Variants in JPH3 observed in about 807,000 individuals in gnomAD.
The protein encoded by JPH3 is junctophilin-3.
A neutral mutation model predicts 59.6 loss-of-function variants in JPH3; 11 were observed. The ratio of observed to expected loss-of-function variants is 0.18; its 90% CI spans 0.12 to 0.31. The LOEUF (loss-of-function observed/expected upper bound fraction) is 0.31. Ranked by LOEUF, JPH3 falls within the 10% of genes least tolerant of loss-of-function variation. The pLI is 1.00. For missense variants in JPH3, 1,202 were observed against 1,105.7 expected (o/e 1.09, Z -1.24); for synonymous variants, 673 against 483.6 (o/e 1.39, Z -5.14).
Position 87,619,478 on chromosome 16 carries a change from T to C in JPH3, c.382+15950T>C, listed in dbSNP as rs140916278. Among the ~76,000 whole-genome samples the C allele has an allele frequency of 4.3e-3, 661 of 152,254 alleles. 5 individuals carry two copies. The highest frequency in any genetic ancestry group is 0.015 in the African/African-American group (637 of 41,554). On this transcript the variant is annotated intron_variant, in intron 1 of 4. Transcript: ENST00000284262. ...GTTGGACTTCTGAGATAAACTGCGC[T>C]GGGTGTCTGTCTCTTGGCTCCAGAG...
chr16:87,696,776 C>T lies in JPH3; in HGVS notation c.*116C>T, dbSNP rs1234520170. 47 of 799,506 alleles carry T rather than the reference C, an allele frequency of 5.9e-5. 2 individuals are homozygous for T. The South Asian group carries it at 6.2e-4, about 11-fold the overall frequency. 49.5% of individuals were successfully genotyped at this position (799,506 alleles called of 1,614,324 possible). On this transcript the variant is annotated 3_prime_UTR_variant, in exon 5 of 5. Transcript: ENST00000284262. ...TCGGACAGCCCAGCGACTTCCAAGT[C>T]CTCTCACAGAAGAACCACACGATTG...
intron 2 of JPH3, among the ~76,000 whole-genome samples, chr16:87,673,891 A>C (rs544519210): frequency 1.3e-5 from 2 of 151,838 alleles, no homozygotes; most frequent in South Asian, 4.2e-4. Context: ...GTGCCACTGT[A>C]CTCCAGTCTG....
chr16:87,689,670 G>A lies in JPH3; in HGVS notation c.1310G>A (p.Arg437His), dbSNP rs1198717683. The stretch of plus-strand genomic sequence containing the variant: ...GGGCTGGAGTACCAGAGGCCGAAGC[G>A]TCAGACCTCCTGTGACGACATCGAG... ...ENGLEYQRPK[R>H]QTSCDDIEVL... Residue 437 changes from arginine (R) to histidine (H), a missense_variant, in exon 4 of 5, where the codon CGT (arginine) becomes CAT (histidine). By Grantham distance (29) the Arg-to-His change is conservative. Coordinates refer to ENST00000284262, the MANE Select transcript of JPH3 (RefSeq NM_020655.4). 3.7e-6 allele frequency: 6 copies of A among 1,612,218 alleles called. No homozygotes were observed. The highest frequency in any genetic ancestry group is 3.3e-5 in the South Asian group (3 of 90,932).
chr16:87,614,806 C>T (rs1264293388), intron 1 of JPH3, among the ~76,000 whole-genome samples: 1 of 135,888 alleles, frequency 7.4e-6, no homozygotes, highest in African/African-American at 2.8e-5. Flanking sequence ...CCAGGATAAA[C>T]GCTGGTCCCT....
intron 1 of JPH3, among the ~76,000 whole-genome samples, chr16:87,625,747 A>G (rs896973865): frequency 1.4e-4 from 22 of 152,138 alleles, no homozygotes; most frequent in African/African-American, 5.3e-4. Flanking sequence ...TGAAGAAGTG[A>G]CCCAGGGCTA....
intron 2 of JPH3, chr16:87,654,250 C>G (rs966378718): frequency 6.6e-6 from 1 of 152,238 alleles, no homozygotes. Context: ...ATGCGCCTCT[C>G]TGGACTCATC....
In JPH3 at chr16:87,623,964, C is replaced by T. The variant is rs796615039; in HGVS notation, c.383-20294C>T. Among the ~76,000 whole-genome samples the T allele has an allele frequency of 5.9e-5, 9 of 152,294 alleles. No individual in the cohort carries two copies. The South Asian group carries it at 6.2e-4, about 11-fold the overall frequency. On this transcript the variant is annotated intron_variant, in intron 1 of 4. Coordinates refer to ENST00000284262, the MANE Select transcript of JPH3 (RefSeq NM_020655.4). ...GTGTTGCCATTAAACATGGCCTTGG[C>T]GTTGCCCAGAAGTCTAGGTGTGTCC... is the stretch of plus-strand genomic sequence containing the variant.
In JPH3 at chr16:87,691,086, AC is replaced by A. The variant is rs11418087; in HGVS notation, c.2166+570del. 6.3e-4 allele frequency among the ~76,000 whole-genome samples: 87 copies of A among 138,494 alleles called. 2 individuals are homozygous for A. Among genetic ancestry groups the A allele is most frequent in the Admixed American group, 2.9e-3 (40 of 13,922 alleles). The allele number at this position is 138,494 out of a possible 152,430, so 90.9% of individuals were successfully genotyped here. On this transcript the variant is annotated intron_variant, in intron 4 of 4. Transcript: ENST00000284262. ...CAACTCACCGTCAGCCTCACCCAGC[AC>A]CCCCCCCCCAAATTCGTTCCTCCAG...
intron 2 of JPH3, among the ~76,000 whole-genome samples, chr16:87,648,070 C>A (rs747991010): frequency 2.6e-5 from 4 of 152,162 alleles, no homozygotes; most frequent in Non-Finnish European, 4.4e-5. Flanking sequence ...CATCCTCCCC[C>A]AGCCCTGCTG....
At chr16:87,661,215 C>G (rs1237128739) in intron 2 of JPH3, among the ~76,000 whole-genome samples, 2 of 152,202 alleles carry the variant, frequency 1.3e-5, no homozygotes, top group Admixed American at 6.5e-5. Context: ...TCCTGCCTCC[C>G]TCTTACAAGG....
intron 2 of JPH3, among the ~76,000 whole-genome samples, chr16:87,649,861 A>G (rs570497617): frequency 6.6e-6 from 1 of 152,180 alleles, no homozygotes; most frequent in African/African-American, 2.4e-5. Context: ...TGTGAAAGCT[A>G]TGCCTCCTGC....
chr16:87,646,146 G>A (rs984981515), intron 2 of JPH3, among the ~76,000 whole-genome samples: 3 of 152,212 alleles, frequency 2.0e-5, no homozygotes, highest in Non-Finnish European at 4.4e-5. Flanking sequence ...GGGCAGACCT[G>A]GAGTTCCTCC....
Position 87,611,293 on chromosome 16 carries a change from C to T in JPH3, c.382+7765C>T, listed in dbSNP as rs1317284297. On this transcript the variant is annotated intron_variant, in intron 1 of 4. Transcript: ENST00000284262. The surrounding 1 kb of genome is among the most constrained non-coding windows in gnomAD (Gnocchi z 4.5). ...CACAGGGCAGGGACCTGAGGAGGGG[C>T]AGGGCAGGTGTGTGTGTCCCTGAAG... Among the ~76,000 whole-genome samples, 1 of 152,082 alleles carries T rather than the reference C, an allele frequency of 6.6e-6. No individual in the cohort carries two copies. The highest frequency in any genetic ancestry group is 1.5e-5 in the Non-Finnish European group (1 of 68,022).
intron 1 of JPH3, among the ~76,000 whole-genome samples, chr16:87,621,669 C>T (rs2031191293): frequency 6.6e-6 from 1 of 152,202 alleles, no homozygotes; most frequent in African/African-American, 2.4e-5. Context: ...GGTTGAAGGG[C>T]CGGGTTTATT....
intron 2 of JPH3, among the ~76,000 whole-genome samples, chr16:87,674,191 A>C (rs530187253): frequency 5.3e-5 from 8 of 151,042 alleles, no homozygotes; most frequent in African/African-American, 1.9e-4. Flanking sequence ...AAAATTAGCC[A>C]GGCGTGGTGG....
At chr16:87,680,412 G>T (rs773949825) in intron 2 of JPH3, among the ~76,000 whole-genome samples, 1 of 152,242 alleles carries the variant, frequency 6.6e-6, no homozygotes, top group Non-Finnish European at 1.5e-5. Flanking sequence ...GGGCAGCCTG[G>T]CTGTGCTCTG....
At chr16:87,640,251 C>G (rs1597253945) in intron 1 of JPH3, among the ~76,000 whole-genome samples, 1 of 151,618 alleles carries the variant, frequency 6.6e-6, no homozygotes, top group African/African-American at 2.4e-5. Context: ...ATCGATTGAA[C>G]CTGGGAGGCA....
At chr16:87,642,182 A>G (rs941520049) in intron 1 of JPH3, among the ~76,000 whole-genome samples, 23 of 148,808 alleles carry the variant, frequency 1.5e-4, no homozygotes, top group Admixed American at 1.2e-3. Flanking sequence ...TTTGAATTCC[A>G]CACTTAGTTT....
chr16:87,644,441 C>G lies in JPH3; in HGVS notation c.566C>G (p.Pro189Arg). 2 of 1,612,256 alleles carry G rather than the reference C, an allele frequency of 1.2e-6. No individual in the cohort carries two copies. The highest frequency in any genetic ancestry group is 1.3e-5 in the African/African-American group (1 of 75,052). Residue 189 changes from proline (P) to arginine (R), a missense_variant, in exon 2 of 5, where the codon CCG becomes CGG. By Grantham distance (103) the Pro-to-Arg change is moderately radical. Coordinates refer to ENST00000284262, the MANE Select transcript of JPH3 (RefSeq NM_020655.4). ...GCCTCTCCGGCGGTGGCCGGCAGCCCGGCCGTGTCCCGCGGGGGCTTCGTG... is the reference window on the plus strand; with the variant it reads ...GCCTCTCCGGCGGTGGCCGGCAGCCGGGCCGTGTCCCGCGGGGGCTTCGTG... ...PDASPAVAGSPAVSRGGFVLV... is the reference protein window; with the variant it reads ...PDASPAVAGSRAVSRGGFVLV...
Sources: allele counts gnomAD v4.1 joint callset (sites outside exome capture counted in the v4.1 genomes callset), GRCh38; gene constraint gnomAD v4.1.1; non-coding constraint Gnocchi (gnomAD v3.1); transcripts MANE v1.5; gene names NCBI Gene and HGNC (gene_info 2026-07-23, HGNC 2026-07-21).